ULK4: variants seen among roughly 807,000 people sequenced by gnomAD.
ULK4 encodes inactive serine/threonine-protein kinase ULK4.
ULK4 carries 133 observed loss-of-function variants against 160.6 expected under a neutral mutation model. The observed-to-expected ratio is 0.83, with a 90% CI of 0.72 to 0.96. The LOEUF is 0.96. Ranked by LOEUF, ULK4 falls within the 40% of genes least tolerant of loss-of-function variation. The probability of loss-of-function intolerance (pLI) is 0.00; values close to 1 mark genes in which losing one functional copy is unlikely to be tolerated. For synonymous variants in ULK4, 534 were observed against 539.8 expected, an observed-to-expected ratio of 0.99 and a Z score of 0.15; for missense variants, 1,580 against 1,499.5, an observed-to-expected ratio of 1.05 and a Z score of -0.89.
At chr3:41,880,114 A>G (rs781446699) in intron 17 of ULK4, among the ~76,000 whole-genome samples, 1 of 152,076 alleles carries the variant, frequency 6.6e-6, no homozygotes, top group African/African-American at 2.4e-5. Context: ...AGTGAGACTC[A>G]GTCACAAAAA....
chr3:41,637,379 T>G (rs1433861850), intron 30 of ULK4, among the ~76,000 whole-genome samples: 10 of 152,206 alleles, frequency 6.6e-5, no homozygotes, highest in African/African-American at 2.2e-4. Context: ...GATTTCTTTG[T>G]TTTTTAAAGG....
At chr3:41,819,551 G>A (rs1476122998) in intron 18 of ULK4, 45 bp from the exon 19 acceptor site, 24 of 1,569,600 alleles carry the variant, frequency 1.5e-5, no homozygotes, top group South Asian at 2.2e-5. Flanking sequence ...CTAACAGCAC[G>A]AAAGATATTA....
intron 35 of ULK4, among the ~76,000 whole-genome samples, chr3:41,361,555 C>A (rs1575468166): frequency 6.6e-6 from 1 of 152,160 alleles, no homozygotes; most frequent in Non-Finnish European, 1.5e-5. Context: ...GAAAGCTATA[C>A]AGTTAAAAGT....
rs1336215432 is a variant in ULK4 at position 41,563,675 on chromosome 3, C to T, written c.3226+2350G>A. ...TGGCTACTGAAGCTTGTGCATGCGTCACGAAGTTCTCGTGCCATGGTTTTC... is the reference window on the plus strand; with the variant it reads ...TGGCTACTGAAGCTTGTGCATGCGTTACGAAGTTCTCGTGCCATGGTTTTC... On this transcript the variant is annotated intron_variant, in intron 32 of 36. Transcript: ENST00000301831. Among the ~76,000 whole-genome samples the T allele has an allele frequency of 2.0e-5, 3 of 152,172 alleles. No individual in the cohort carries two copies. The East Asian group carries it at 5.8e-4, about 29-fold the overall frequency.
At chr3:41,955,536 TG>T in intron 1 of ULK4, 1 of 152,988 alleles carries the variant, frequency 6.5e-6, no homozygotes, top group Non-Finnish European at 1.5e-5. Flanking sequence ...ACCGCCAAAG[TG>T]GGCAACTGAC....
At chr3:41,530,956 G>A (rs1193270784) in intron 32 of ULK4, among the ~76,000 whole-genome samples, 1 of 151,244 alleles carries the variant, frequency 6.6e-6, no homozygotes, top group Non-Finnish European at 1.5e-5. Context: ...TAGAGACGGG[G>A]TTTCACCACG....
intron 30 of ULK4, among the ~76,000 whole-genome samples, chr3:41,622,364 T>C (rs1325202063): frequency 6.6e-6 from 1 of 152,154 alleles, no homozygotes; most frequent in Non-Finnish European, 1.5e-5. Flanking sequence ...TGCCCATCAA[T>C]GATAGACTGG....
chr3:41,249,690 G>T, intron 35 of ULK4, 116 bp from the exon 36 acceptor site: 1 of 1,051,896 alleles, frequency 9.5e-7, no homozygotes. Flanking sequence ...CTAAGGCACT[G>T]GGGGGTGTCC....
chr3:41,922,750 G>A (rs1271925047), intron 5 of ULK4, among the ~76,000 whole-genome samples: 3 of 152,068 alleles, frequency 2.0e-5, no homozygotes, highest in East Asian at 1.9e-4. Context: ...AGAAAAAAAT[G>A]GGAAAATCTG....
intron 21 of ULK4, among the ~76,000 whole-genome samples, chr3:41,776,446 A>G (rs1241839894): frequency 6.6e-6 from 1 of 150,666 alleles, no homozygotes; most frequent in East Asian, 1.9e-4. Flanking sequence ...AAAATCTAAC[A>G]CTCAAATGTC....
intron 22 of ULK4, among the ~76,000 whole-genome samples, chr3:41,743,380 G>T (rs955508758): frequency 1.3e-5 from 2 of 151,358 alleles, no homozygotes; most frequent in African/African-American, 4.9e-5. Context: ...TAATCTTCAG[G>T]AATAAAGGAG....
intron 19 of ULK4, among the ~76,000 whole-genome samples, chr3:41,815,451 A>G (rs2040935699): frequency 1.3e-5 from 2 of 151,694 alleles, no homozygotes; most frequent in Admixed American, 1.3e-4. Context: ...TTTATTAACA[A>G]TGAAATATAC....
intron 32 of ULK4, among the ~76,000 whole-genome samples, chr3:41,474,735 A>T (rs2084088104): frequency 6.7e-6 from 1 of 150,000 alleles, no homozygotes; most frequent in Non-Finnish European, 1.5e-5. Context: ...TGGCCACGAG[A>T]TACATGAAAA....
intron 32 of ULK4, among the ~76,000 whole-genome samples, chr3:41,557,069 A>C (rs1432137496): frequency 6.6e-6 from 1 of 152,208 alleles, no homozygotes; most frequent in Non-Finnish European, 1.5e-5. Flanking sequence ...GATGGGTTCA[A>C]TATTAGGTAA....
At chr3:41,851,219 T>C (rs1364416860) in intron 17 of ULK4, among the ~76,000 whole-genome samples, 5 of 152,354 alleles carry the variant, frequency 3.3e-5, no homozygotes, top group Non-Finnish European at 5.9e-5. Flanking sequence ...GGGTTTGTCA[T>C]AGATGGCTCT....
In ULK4 at chr3:41,712,893, A is replaced by G. The variant is rs1417197865; in HGVS notation, c.2634+2344T>C. Among the ~76,000 whole-genome samples the G allele has an allele frequency of 2.0e-5, 3 of 152,264 alleles. No individual in the cohort carries two copies. In the East Asian group the frequency reaches 5.8e-4, roughly 29 times the overall value. ...GTGACAGAGCAAGACCCTGTCTCGA[A>G]AAAAGAAAAAAAGCAAAAAAACAAG... On this transcript the variant is annotated intron_variant, in intron 25 of 36. Transcript: ENST00000301831.
chr3:41,331,059 C>T (rs2080432626), intron 35 of ULK4, among the ~76,000 whole-genome samples: 1 of 152,190 alleles, frequency 6.6e-6, no homozygotes, highest in Admixed American at 6.6e-5. Flanking sequence ...TACTAAACTC[C>T]CTAGTGAACT....
chr3:41,936,438 T>C lies in ULK4; in HGVS notation c.239-498A>G, dbSNP rs75949779. On this transcript the variant is annotated intron_variant, in intron 3 of 36. Transcript: ENST00000301831. ...GCACATTGAGAATCCCATTGCTATA[T>C]TCTTCCAAGGTCCCAGTTACTTCTC... Among the ~76,000 whole-genome samples, 530 of 152,334 alleles carry C rather than the reference T, an allele frequency of 3.5e-3. 2 individuals carry two copies. Among genetic ancestry groups the C allele is most frequent in the African/African-American group, 0.012 (502 of 41,576 alleles).
At chr3:41,554,115 G>A (rs896901834) in intron 32 of ULK4, among the ~76,000 whole-genome samples, 8 of 151,982 alleles carry the variant, frequency 5.3e-5, no homozygotes, top group Non-Finnish European at 5.9e-5. Flanking sequence ...CTTATTTCAC[G>A]TAACATAATA....
Sources: allele counts gnomAD v4.1 joint callset (sites outside exome capture counted in the v4.1 genomes callset), GRCh38; gene constraint gnomAD v4.1.1; transcripts MANE v1.5; gene names NCBI Gene and HGNC (gene_info 2026-07-23, HGNC 2026-07-21).